The following CNTN4 variants were observed in gnomAD, a reference collection of about 807,000 sequenced individuals.
CNTN4 encodes contactin 4.
In CNTN4, 77 loss-of-function variants were observed where a neutral mutation model predicts 122.5. The observed-to-expected ratio is 0.63, with a 90% CI of 0.52 to 0.76. The LOEUF is 0.76. CNTN4 is among the 30% of genes least tolerant of loss of function. The probability of loss-of-function intolerance (pLI) is 0.00; values close to 1 mark genes in which losing one functional copy is unlikely to be tolerated. For missense variants in CNTN4, 1,256 were observed against 1,259.1 expected (o/e 1.00, Z 0.04); for synonymous variants, 512 against 447.0 (o/e 1.15, Z -1.83).
At position 2,306,426 on chromosome 3, in the gene CNTN4, T is replaced by C. The variant is rs1219293341; in HGVS notation, c.-144-32752T>C. On this transcript the variant is annotated intron_variant, in intron 2 of 24. Transcript: ENST00000418658. Reference sequence around the variant, plus strand: ...ATTTGAGCATCTTTCATGTACTTGTTGGACAGTTGTGTATCATCTTTGGAT... The same window carrying C: ...ATTTGAGCATCTTTCATGTACTTGTCGGACAGTTGTGTATCATCTTTGGAT... Among the ~76,000 whole-genome samples, 4 of 152,238 alleles carry C rather than the reference T, an allele frequency of 2.6e-5. No homozygotes were observed. In the South Asian group the frequency reaches 8.3e-4, roughly 31 times the overall value.
In CNTN4 at chr3:2,745,581, A is replaced by C; in HGVS notation, c.242A>C (p.Glu81Ala). 6.2e-6 allele frequency: 10 copies of C among 1,614,156 alleles called. No homozygotes were observed. Among genetic ancestry groups the C allele is most frequent in the Non-Finnish European group, 8.5e-6 (10 of 1,179,994 alleles). Residue 81 changes from glutamate to alanine, a missense_variant, in exon 6 of 25, where the codon GAA becomes GCA. Transcript: ENST00000418658. ...TGMDFRYSVVEGSLLINNPNK... is the reference protein window; with the variant it reads ...TGMDFRYSVVAGSLLINNPNK... ...ATGGATTTCCGCTACAGTGTTGTTG[A>C]AGGGAGCTTGTTGATCAATAACCCC...
intron 3 of CNTN4, among the ~76,000 whole-genome samples, chr3:2,556,619 A>T (rs970335336): frequency 1.3e-5 from 2 of 152,078 alleles, no homozygotes; most frequent in Admixed American, 6.6e-5. Flanking sequence ...GCATATATAA[A>T]TTTTATATAT....
intron 13 of CNTN4, among the ~76,000 whole-genome samples, chr3:2,937,690 C>T (rs533054486): frequency 2.0e-5 from 3 of 152,234 alleles, no homozygotes; most frequent in African/African-American, 7.2e-5. Flanking sequence ...ACCAGTGAAG[C>T]ACAAATTAAC....
intron 4 of CNTN4, among the ~76,000 whole-genome samples, chr3:2,639,224 A>G (rs552274722): frequency 6.6e-6 from 1 of 152,102 alleles, no homozygotes; most frequent in Non-Finnish European, 1.5e-5. Flanking sequence ...TCCCTCCTCA[A>G]CTATCTAACT....
intron 3 of CNTN4, among the ~76,000 whole-genome samples, chr3:2,408,306 A>G (rs2047110290): frequency 6.6e-6 from 1 of 152,202 alleles, no homozygotes; most frequent in African/African-American, 2.4e-5. Flanking sequence ...AACAGCAAGC[A>G]TGATGCTTTC....
chr3:2,352,093 C>G (rs576336816), intron 3 of CNTN4, among the ~76,000 whole-genome samples: 270 of 152,250 alleles, frequency 1.8e-3, no homozygotes, highest in African/African-American at 6.3e-3. Context: ...TCAATTCATA[C>G]TAATAAAAAC....
chr3:2,508,519 G>T (rs1163839306), intron 3 of CNTN4, among the ~76,000 whole-genome samples: 1 of 152,138 alleles, frequency 6.6e-6, no homozygotes, highest in Non-Finnish European at 1.5e-5. Flanking sequence ...CTGAGGTTTT[G>T]AGCTGTATTT....
intron 2 of CNTN4, among the ~76,000 whole-genome samples, chr3:2,301,205 GA>G (rs2042505051): frequency 1.3e-5 from 2 of 152,120 alleles, no homozygotes; most frequent in Non-Finnish European, 2.9e-5. Flanking sequence ...TACTGTAGAA[GA>G]AAAAACTTTG....
At chr3:2,117,523 A>G (rs890488088) in intron 2 of CNTN4, among the ~76,000 whole-genome samples, 7 of 152,126 alleles carry the variant, frequency 4.6e-5, no homozygotes, top group African/African-American at 1.7e-4. Context: ...CTTTCCTTCC[A>G]GGAGGTTGGG....
intron 3 of CNTN4, among the ~76,000 whole-genome samples, chr3:2,456,470 A>G (rs1160400437): frequency 1.3e-5 from 2 of 152,124 alleles, no homozygotes; most frequent in Admixed American, 1.3e-4. Flanking sequence ...AAATATTTTC[A>G]TCACCTTCAA....
At chr3:2,110,611 G>A (rs1226494899) in intron 2 of CNTN4, 1 of 152,072 alleles carries the variant, frequency 6.6e-6, no homozygotes, top group African/African-American at 2.4e-5. Flanking sequence ...TTTTCCACTT[G>A]CTGTTTTCCA....
At chr3:2,931,845 A>G (rs1296587780) in intron 13 of CNTN4, among the ~76,000 whole-genome samples, 1 of 151,992 alleles carries the variant, frequency 6.6e-6, no homozygotes, top group Non-Finnish European at 1.5e-5. Context: ...GAGGCTTGTT[A>G]TATTATTGCC....
chr3:2,803,930 A>G (rs1277078344), intron 6 of CNTN4, among the ~76,000 whole-genome samples: 1 of 152,122 alleles, frequency 6.6e-6, no homozygotes, highest in East Asian at 1.9e-4. Flanking sequence ...ATTGAGACTG[A>G]GTCTCAAAGG....
At chr3:2,169,967 A>G (rs538844715) in intron 2 of CNTN4, among the ~76,000 whole-genome samples, 141 of 152,264 alleles carry the variant, frequency 9.3e-4, no homozygotes, top group Non-Finnish European at 1.3e-3. Flanking sequence ...TAATGAGTTC[A>G]CTACATGATG....
Position 2,934,918 on chromosome 3 carries a change from C to G in CNTN4, c.1358+9139C>G, listed in dbSNP as rs192722300. ...GTTACGAAAGAGAGCTTATACCGCT[C>G]TTCAAATTCAGACCTAGAACTTCTT... On this transcript the variant is annotated intron_variant, in intron 13 of 24. Coordinates refer to ENST00000418658, the MANE Select transcript of CNTN4 (RefSeq NM_175607.3). Among the ~76,000 whole-genome samples the G allele has an allele frequency of 1.6e-3, 238 of 152,348 alleles. 1 individual carries two copies. Among genetic ancestry groups the G allele is most frequent in the Admixed American group, 0.014 (215 of 15,298 alleles).
intron 8 of CNTN4, among the ~76,000 whole-genome samples, chr3:2,876,074 A>G (rs978894324): frequency 1.3e-5 from 2 of 152,206 alleles, no homozygotes; most frequent in Non-Finnish European, 2.9e-5. Context: ...AAGTCAAATC[A>G]TAAGATTTAT....
At chr3:2,280,820 TGACA>T (rs2041687046) in intron 2 of CNTN4, among the ~76,000 whole-genome samples, 1 of 152,190 alleles carries the variant, frequency 6.6e-6, no homozygotes, top group South Asian at 2.1e-4. Flanking sequence ...ATTAAGTTCC[TGACA>T]GAAGTTGGAA....
intron 4 of CNTN4, among the ~76,000 whole-genome samples, chr3:2,599,170 G>A (rs971214695): frequency 7.9e-5 from 12 of 152,176 alleles, no homozygotes; most frequent in African/African-American, 2.7e-4. Context: ...ACCATGGAGT[G>A]TAGAGTTGGA....
chr3:2,913,066 CACTT>C (rs945387773), intron 12 of CNTN4, among the ~76,000 whole-genome samples: 47 of 152,260 alleles, frequency 3.1e-4, no homozygotes, highest in Non-Finnish European at 5.9e-4. Flanking sequence ...GCAGGAGACT[CACTT>C]AAACCCGAGA....
Sources: allele counts gnomAD v4.1 joint callset (sites outside exome capture counted in the v4.1 genomes callset), GRCh38; gene constraint gnomAD v4.1.1; transcripts MANE v1.5; gene names NCBI Gene and HGNC (gene_info 2026-07-23, HGNC 2026-07-21).